STAMBPL1: variants seen among roughly 807,000 people sequenced by gnomAD.
STAMBPL1 encodes the protein STAM binding protein like 1, also known as AMSH-like protease.
In STAMBPL1, 44 loss-of-function variants were observed where a neutral mutation model predicts 52.9. That is an observed-to-expected ratio of 0.83 (90% confidence interval 0.65 to 1.07). The LOEUF is 1.07. STAMBPL1 is among the 50% of genes least tolerant of loss of function. The probability of loss-of-function intolerance (pLI) is 0.00; values close to 1 mark genes in which losing one functional copy is unlikely to be tolerated. For missense variants in STAMBPL1, 511 were observed against 520.8 expected (o/e 0.98, Z 0.18); for synonymous variants, 164 against 177.3 (o/e 0.92, Z 0.60).
intron 1 of STAMBPL1, chr10:88,882,164 C>T (rs892632555): frequency 3.9e-5 from 6 of 152,176 alleles, no homozygotes; most frequent in Non-Finnish European, 1.5e-5. Flanking sequence ...AATTATAAGG[C>T]AGATAACCTA....
chr10:88,886,431 G>C (rs1211322576), intron 1 of STAMBPL1, among the ~76,000 whole-genome samples: 1 of 152,016 alleles, frequency 6.6e-6, no homozygotes, highest in Non-Finnish European at 1.5e-5. Context: ...ATATTATTTG[G>C]CAAAAGTTCA....
chr10:88,913,895 A>C (rs185217096), intron 6 of STAMBPL1, among the ~76,000 whole-genome samples: 2 of 152,326 alleles, frequency 1.3e-5, no homozygotes, highest in Admixed American at 1.3e-4. Context: ...TTGGACTGAG[A>C]GAATCTCATA....
chr10:88,903,330 C>A (rs1211178226), intron 2 of STAMBPL1, among the ~76,000 whole-genome samples: 2 of 152,188 alleles, frequency 1.3e-5, no homozygotes, highest in Non-Finnish European at 2.9e-5. Flanking sequence ...TCTCTTGTTG[C>A]TTCCTTCTCT....
At position 88,913,519 on chromosome 10, in the gene STAMBPL1, A is replaced by G. The variant is rs1589375068; in HGVS notation, c.778+61A>G. The G allele has an allele frequency of 3.5e-6, 5 of 1,413,234 alleles. No individual in the cohort carries two copies. The East Asian group carries it at 6.9e-5, about 19-fold the overall frequency. The allele number at this position is 1,413,234 out of a possible 1,614,324, so 87.5% of individuals were successfully genotyped here. A position where few individuals can be genotyped will look rare whatever the true frequency, so the allele number is the denominator to read the frequency against. ...CCTCATCGGATGGAACCATATTTCT[A>G]TAGCATCTGGGAGGGTCCTTCTCAT... On this transcript the variant is annotated intron_variant, in intron 6 of 10. Transcript: ENST00000371926.
rs143062007 is a variant in STAMBPL1 at position 88,914,677 on chromosome 10, A to AATATAAATATATATATATAT, written c.903+24_903+25insAATATATATATATATATATA. On this transcript the variant is annotated intron_variant, in intron 7 of 10. Transcript: ENST00000371926. ...AAAACTGGTATGATCTTTTTATATA[A>AATATAAATATATATATATAT]ATATATATATATATATATCTGCATA... The AATATAAATATATATATATAT allele has an allele frequency of 7.4e-5, 63 of 851,678 alleles. No individual in the cohort carries two copies. The highest frequency in any genetic ancestry group is 5.7e-4 in the Admixed American group (13 of 22,906). The allele number at this position is 851,678 out of a possible 1,614,324, so 52.8% of individuals were successfully genotyped here.
chr10:88,895,846 A>G (rs747896437), intron 1 of STAMBPL1, among the ~76,000 whole-genome samples: 22 of 152,202 alleles, frequency 1.4e-4, no homozygotes, highest in Non-Finnish European at 3.1e-4. Flanking sequence ...CACTATGCAA[A>G]ATAATTATTT....
intron 7 of STAMBPL1, among the ~76,000 whole-genome samples, chr10:88,916,333 C>A (rs1400532586): frequency 1.3e-5 from 2 of 151,656 alleles, no homozygotes; most frequent in African/African-American, 4.8e-5. Context: ...TTCAGTTTTT[C>A]CATTATAGAT....
intron 1 of STAMBPL1, among the ~76,000 whole-genome samples, 153 bp downstream of exon 1, chr10:88,880,791 T>C (rs1398332937): frequency 1.3e-5 from 2 of 152,168 alleles, no homozygotes; most frequent in Non-Finnish European, 2.9e-5. Context: ...AAATGCACTT[T>C]GGCGGCTGAT....
At chr10:88,889,316 A>G (rs1379833701) in intron 1 of STAMBPL1, among the ~76,000 whole-genome samples, 1 of 152,172 alleles carries the variant, frequency 6.6e-6, no homozygotes, top group African/African-American at 2.4e-5. Context: ...CATTTTTTTC[A>G]ATCCTCATCC....
chr10:88,921,503 G>A (rs1202299669), intron 9 of STAMBPL1, 108 bp downstream of exon 9: 8 of 815,386 alleles, frequency 9.8e-6, no homozygotes, highest in East Asian at 7.7e-5. Flanking sequence ...AGCACACAAC[G>A]CCCTCGGGAA....
At chr10:88,902,820 C>T (rs1253562018) in intron 2 of STAMBPL1, among the ~76,000 whole-genome samples, 4 of 152,210 alleles carry the variant, frequency 2.6e-5, no homozygotes, top group Non-Finnish European at 5.9e-5. Context: ...CAGCCCACCT[C>T]GGCCTCCCAG....
chr10:88,918,578 A>G (rs1293155869), intron 8 of STAMBPL1, among the ~76,000 whole-genome samples: 2 of 152,198 alleles, frequency 1.3e-5, no homozygotes, highest in Non-Finnish European at 2.9e-5. Flanking sequence ...TTTATAATGA[A>G]GAGTTTGTAA....
At chr10:88,920,843 T>C (rs1845491777) in intron 8 of STAMBPL1, among the ~76,000 whole-genome samples, 1 of 152,212 alleles carries the variant, frequency 6.6e-6, no homozygotes, top group Non-Finnish European at 1.5e-5. Flanking sequence ...GTTGTATATA[T>C]GTATCTTGTG....
intron 1 of STAMBPL1, among the ~76,000 whole-genome samples, chr10:88,898,799 T>G (rs924674539): frequency 1.3e-5 from 2 of 152,232 alleles, no homozygotes; most frequent in African/African-American, 4.8e-5. Context: ...CTTTCCTCTC[T>G]TGGCATATCC....
intron 8 of STAMBPL1, among the ~76,000 whole-genome samples, chr10:88,918,106 A>G (rs1301389971): frequency 6.6e-6 from 1 of 152,148 alleles, no homozygotes; most frequent in Non-Finnish European, 1.5e-5. Flanking sequence ...ATATTGGTGG[A>G]AACCCCACCA....
At chr10:88,901,616 CAA>C in intron 1 of STAMBPL1, 38 bp from the exon 2 acceptor site, 5 of 1,420,492 alleles carry the variant, frequency 3.5e-6, no homozygotes, top group Non-Finnish European at 4.8e-6. Flanking sequence ...ACTTGGGTCT[CAA>C]AAAATAACTT....
At chr10:88,915,580 C>T (rs1845347604) in intron 7 of STAMBPL1, among the ~76,000 whole-genome samples, 1 of 152,206 alleles carries the variant, frequency 6.6e-6, no homozygotes, top group African/African-American at 2.4e-5. Flanking sequence ...TCGTTCACTC[C>T]ATTGTCAGAC....
chr10:88,914,416 C>T (rs1845314507), intron 6 of STAMBPL1, 118 bp from the exon 7 acceptor site: 1 of 677,176 alleles, frequency 1.5e-6, no homozygotes, highest in East Asian at 3.4e-5. Flanking sequence ...GAAAGTGGAA[C>T]ACCTGATACT....
In STAMBPL1 at chr10:88,921,354, G is replaced by A; in HGVS notation, c.1113G>A (p.Leu371=). ...CTCACTGTTCCTATCAACTCATGTT[G>A]CCAGAGGCCATTGCCATTGTTTGCT... ...LHTHCSYQLM[L]PEAIAIVCSP... Residue 371 remains leucine (L), a synonymous_variant, in exon 9 of 11, where the codon TTG becomes TTA. Transcript: ENST00000371926. 1 of 1,613,214 alleles carries A rather than the reference G, an allele frequency of 6.2e-7. No individual in the cohort carries two copies. The highest frequency in any genetic ancestry group is 8.5e-7 in the Non-Finnish European group (1 of 1,179,472).
Sources: allele counts gnomAD v4.1 joint callset (sites outside exome capture counted in the v4.1 genomes callset), GRCh38; gene constraint gnomAD v4.1.1; transcripts MANE v1.5; gene names NCBI Gene and HGNC (gene_info 2026-07-23, HGNC 2026-07-21).